The following CCNY variants were observed in gnomAD, a reference collection of about 807,000 sequenced individuals.
CCNY encodes cyclin-Y.
CCNY carries 19 observed loss-of-function variants against 42.8 expected under a neutral mutation model. That is an observed-to-expected ratio of 0.44 (90% CI 0.31 to 0.65). The LOEUF is 0.65. CCNY is among the 30% of genes least tolerant of loss of function. CCNY has a pLI of 0.07. For synonymous variants in CCNY, 165 were observed against 162.7 expected, an observed-to-expected ratio of 1.01 and a Z score of -0.11; for missense variants, 370 against 437.3, an observed-to-expected ratio of 0.85 and a Z score of 1.37.
chr10:35,449,316 C>T (rs909783867), intron 1 of CCNY, among the ~76,000 whole-genome samples: 36 of 151,236 alleles, frequency 2.4e-4, no homozygotes, highest in Admixed American at 2.0e-3. Flanking sequence ...GAGATGGTCC[C>T]GGCAGTCAGC....
At chr10:35,492,882 G>A (rs995811795) in intron 2 of CCNY, among the ~76,000 whole-genome samples, 2 of 152,114 alleles carry the variant, frequency 1.3e-5, no homozygotes, top group Non-Finnish European at 2.9e-5. Flanking sequence ...GGTTTTTTTA[G>A]GCTCAGGTGG....
At position 35,554,724 on chromosome 10, in the gene CCNY, G is replaced by A. The variant is rs545681784; in HGVS notation, c.746+1539G>A. 1.6e-4 allele frequency among the ~76,000 whole-genome samples: 25 copies of A among 152,270 alleles called. No homozygotes were observed. The South Asian group carries it at 5.2e-3, about 32-fold the overall frequency. On this transcript the variant is annotated intron_variant, in intron 8 of 9. Transcript: ENST00000374704. Reference sequence around the variant, plus strand: ...CAGAGGGCCCCCCGACCATGACTAGGTGTGTCCACTTAAAGCCAGAATACC... The same window carrying A: ...CAGAGGGCCCCCCGACCATGACTAGATGTGTCCACTTAAAGCCAGAATACC...
At chr10:35,256,427 T>C (rs12771017) in intron 3 of CCNY, among the ~76,000 whole-genome samples, 1 of 152,094 alleles carries the variant, frequency 6.6e-6, no homozygotes, top group Non-Finnish European at 1.5e-5. Context: ...CTAATTTGGA[T>C]TTATACCACT....
intron 3 of CCNY, among the ~76,000 whole-genome samples, chr10:35,309,558 C>A (rs1335131045): frequency 6.6e-6 from 1 of 152,120 alleles, no homozygotes; most frequent in Non-Finnish European, 1.5e-5. Context: ...GTAGCTGGGA[C>A]TGCAGGCACA....
intron 1 of CCNY, among the ~76,000 whole-genome samples, chr10:35,361,937 A>G (rs1836695238): frequency 6.6e-6 from 1 of 152,228 alleles, no homozygotes; most frequent in South Asian, 2.1e-4. Flanking sequence ...ACATGATGCC[A>G]CAAGTGGAAA....
chr10:35,308,441 A>G (rs1835640742), intron 3 of CCNY, among the ~76,000 whole-genome samples: 1 of 152,126 alleles, frequency 6.6e-6, no homozygotes, highest in African/African-American at 2.4e-5. Context: ...AGTCCTGGCT[A>G]CTTGGGAGGC....
At chr10:35,377,801 C>T (rs1837087467) in intron 1 of CCNY, among the ~76,000 whole-genome samples, 1 of 151,866 alleles carries the variant, frequency 6.6e-6, no homozygotes, top group Non-Finnish European at 1.5e-5. Context: ...ATCTTCAAAA[C>T]AAAAAATTAA....
In CCNY at chr10:35,292,754, G is replaced by C. The variant is rs564889288; in HGVS notation, c.-9+42128G>C. ...CGTATCTAAGAAACCAGTGCCTAAT[G>C]TTATCCTGTAAGAGTGCTTTGTTTT... On this transcript the variant is annotated intron_variant, in intron 3 of 11. Coordinates refer to the CCNY transcript ENST00000374706. Among the ~76,000 whole-genome samples, 7 of 139,712 alleles carry C rather than the reference G, an allele frequency of 5.0e-5. No individual in the cohort carries two copies. The East Asian group carries it at 1.3e-3, about 26-fold the overall frequency. The allele number at this position is 139,712 out of a possible 152,430, so 91.7% of individuals were successfully genotyped here.
chr10:35,569,387 C>G lies in CCNY; in HGVS notation c.*217C>G. The G allele has an allele frequency of 1.8e-6, 1 of 558,078 alleles. No homozygotes were observed. The highest frequency in any genetic ancestry group is 3.2e-6 in the Non-Finnish European group (1 of 311,348). The allele number at this position is 558,078 out of a possible 1,614,324, so 34.6% of individuals were successfully genotyped here. A position where few individuals can be genotyped will look rare whatever the true frequency, so the allele number is the denominator to read the frequency against. On this transcript the variant is annotated 3_prime_UTR_variant, in exon 10 of 10. Transcript: ENST00000374704. Reference sequence around the variant, plus strand: ...TCGCTCTCCCCACTGTCAGCAACAGCACTTCCTTCGTGGAGGAAGTGGACT... The same window carrying G: ...TCGCTCTCCCCACTGTCAGCAACAGGACTTCCTTCGTGGAGGAAGTGGACT...
At chr10:35,391,851 C>T (rs367990726) in intron 1 of CCNY, among the ~76,000 whole-genome samples, 19 of 152,158 alleles carry the variant, frequency 1.2e-4, no homozygotes, top group African/African-American at 4.6e-4. Context: ...GCTCTGCTAC[C>T]GTTCCTCTTC....
Position 35,422,166 on chromosome 10 carries a change from T to A in CCNY, c.155-61238T>A, listed in dbSNP as rs114738955. On this transcript the variant is annotated intron_variant, in intron 1 of 9. Transcript: ENST00000374704. ...CTAATTTTACACCTTTCTATTCTTT[T>A]AAAATTTTTTTAAAATTTAAATTTA... is the stretch of plus-strand genomic sequence containing the variant. Among the ~76,000 whole-genome samples, 1,031 of 152,352 alleles carry A rather than the reference T, an allele frequency of 6.8e-3. 10 individuals carry two copies. The highest frequency in any genetic ancestry group is 0.024 in the African/African-American group (986 of 41,586).
At chr10:35,507,239 T>C (rs1403475705) in intron 3 of CCNY, among the ~76,000 whole-genome samples, 3 of 152,212 alleles carry the variant, frequency 2.0e-5, no homozygotes, top group African/African-American at 7.2e-5. Context: ...TGTGTTATAA[T>C]CTGTTCTTTG....
chr10:35,557,307 A>G (rs1327098547), intron 8 of CCNY, among the ~76,000 whole-genome samples: 2 of 152,108 alleles, frequency 1.3e-5, no homozygotes, highest in African/African-American at 4.8e-5. Context: ...TTTTCTTTCT[A>G]GTTTCCTCAC....
chr10:35,262,236 T>A (rs1335135759), intron 3 of CCNY, among the ~76,000 whole-genome samples: 2 of 97,378 alleles, frequency 2.1e-5, no homozygotes, highest in Non-Finnish European at 3.7e-5. Flanking sequence ...CACTCCCACC[T>A]GGACAACAGA....
At chr10:35,355,135 C>G (rs989127390) in intron 1 of CCNY, among the ~76,000 whole-genome samples, 1 of 152,042 alleles carries the variant, frequency 6.6e-6, no homozygotes. Flanking sequence ...GGGGTACGGA[C>G]ATGAGTGCAG....
chr10:35,480,559 G>T (rs1395293708), intron 1 of CCNY, among the ~76,000 whole-genome samples: 3 of 152,166 alleles, frequency 2.0e-5, no homozygotes, highest in Admixed American at 6.5e-5. Context: ...CTGAATTCAG[G>T]GAGAGCTTCA....
chr10:35,418,269 G>T (rs1218066781), intron 1 of CCNY, among the ~76,000 whole-genome samples: 1 of 152,146 alleles, frequency 6.6e-6, no homozygotes, highest in Non-Finnish European at 1.5e-5. Flanking sequence ...CACCAAATGT[G>T]TAGCTGTGTC....
intron 7 of CCNY, among the ~76,000 whole-genome samples, chr10:35,550,246 G>C (rs1841223896): frequency 6.6e-6 from 1 of 150,456 alleles, no homozygotes; most frequent in African/African-American, 2.5e-5. Context: ...ACCCTACACT[G>C]TTCATGACCC....
chr10:35,568,607 C>T (rs1841619350), intron 9 of CCNY, among the ~76,000 whole-genome samples: 1 of 152,230 alleles, frequency 6.6e-6, no homozygotes, highest in African/African-American at 2.4e-5. Context: ...CTGTCTTTGC[C>T]GCCAGCGGCC....
Sources: allele counts gnomAD v4.1 joint callset (sites outside exome capture counted in the v4.1 genomes callset), GRCh38; gene constraint gnomAD v4.1.1; transcripts MANE v1.5; gene names NCBI Gene and HGNC (gene_info 2026-07-23, HGNC 2026-07-21).